The following INAVA variants were observed in gnomAD, a reference collection of about 807,000 sequenced individuals.
INAVA encodes the protein innate immunity activator.
A neutral mutation model predicts 55.3 loss-of-function variants in INAVA; 32 were observed. That is an observed-to-expected ratio of 0.58 (90% CI 0.44 to 0.78). The LOEUF is 0.78. Among genes scored for constraint, INAVA ranks in the 30% least tolerant of loss-of-function variants. The pLI is 0.00. For missense variants in INAVA, 756 were observed against 786.4 expected (o/e 0.96, Z 0.46); for synonymous variants, 294 against 329.4 (o/e 0.89, Z 1.16).
intron 7 of INAVA, 103 bp downstream of exon 7, chr1:200,909,043 G>A: frequency 7.4e-7 from 1 of 1,350,088 alleles, no homozygotes; most frequent in Non-Finnish European, 1.0e-6. Flanking sequence ...GTGGAAAGGT[G>A]GAGGAGAGAG....
intron 4 of INAVA, 104 bp downstream of exon 4, chr1:200,900,324 C>T: frequency 9.9e-7 from 1 of 1,008,624 alleles, no homozygotes; most frequent in Non-Finnish European, 1.5e-6. Flanking sequence ...TCCACCCTTT[C>T]ACACCCAGTG....
upstream of INAVA, among the ~76,000 whole-genome samples, chr1:200,891,974 C>G (rs969767081): frequency 6.6e-6 from 1 of 151,090 alleles, no homozygotes. Context: ...CTCGGGCCAG[C>G]CTGGATGTGG....
At chr1:200,893,431 G>A (rs938540641), upstream of INAVA, among the ~76,000 whole-genome samples, 1 of 152,212 alleles carries the variant, frequency 6.6e-6, no homozygotes, top group African/African-American at 2.4e-5. Flanking sequence ...AGCTGGAGAT[G>A]GGCAAGGTGG....
In INAVA at chr1:200,913,694, G is replaced by A; in HGVS notation, c.*65G>A. 1 of 1,346,290 alleles carries A rather than the reference G, an allele frequency of 7.4e-7. No homozygotes were observed. The highest frequency in any genetic ancestry group is 2.3e-5 in the East Asian group (1 of 43,140). The allele number at this position is 1,346,290 out of a possible 1,614,324, so 83.4% of individuals were successfully genotyped here. On this transcript the variant is annotated 3_prime_UTR_variant, in exon 10 of 10. Coordinates refer to ENST00000413687, the MANE Select transcript of INAVA (RefSeq NM_001142569.3). ...GCTGGGCTGAGACCCCCCCACCCCT[G>A]AGTGCCTCTTTCAGCTCCCCCATCC... is the stretch of plus-strand genomic sequence containing the variant.
intron 6 of INAVA, 116 bp downstream of exon 6, chr1:200,908,003 CT>C: frequency 1.3e-6 from 1 of 760,910 alleles, no homozygotes; most frequent in Non-Finnish European, 2.2e-6. Context: ...GGGTGCCAGG[CT>C]TAGGGTTTCC....
At chr1:200,912,288 A>C in intron 9 of INAVA, 151 bp downstream of exon 9, 1 of 823,948 alleles carries the variant, frequency 1.2e-6, no homozygotes, top group Non-Finnish European at 1.8e-6. Flanking sequence ...AGGCCAAAAA[A>C]TCATTTCCTC....
At chr1:200,910,814 G>A (rs931073826) in intron 8 of INAVA, among the ~76,000 whole-genome samples, 1 of 152,184 alleles carries the variant, frequency 6.6e-6, no homozygotes, top group Non-Finnish European at 1.5e-5. Context: ...TTAGGAAAAG[G>A]CAGACACAGC....
chr1:200,909,687 T>A (rs1557968990), intron 8 of INAVA, among the ~76,000 whole-genome samples: 1 of 152,222 alleles, frequency 6.6e-6, no homozygotes, highest in Non-Finnish European at 1.5e-5. Context: ...GCTGGTAGAT[T>A]ATTATTGGTC....
intron 5 of INAVA, among the ~76,000 whole-genome samples, chr1:200,904,082 C>A (rs1451965235): frequency 6.6e-6 from 1 of 151,584 alleles, no homozygotes; most frequent in Non-Finnish European, 1.5e-5. Flanking sequence ...TAGCCACATC[C>A]TCATAACATT....
In INAVA at chr1:200,907,888, G is replaced by A; in HGVS notation, c.574+1G>A. On this transcript the variant is annotated splice_donor_variant, in intron 6 of 9. Transcript: ENST00000413687. LOFTEE classifies it high-confidence loss of function. ...TCAGATGGGCTCCTCCTGGAGGAAG[G>A]TGAGAAGGACGTTTGGGGGACTATT... is the stretch of plus-strand genomic sequence containing the variant. 6.2e-7 allele frequency: 1 copy of A among 1,611,880 alleles called. No individual in the cohort carries two copies. The highest frequency in any genetic ancestry group is 8.5e-7 in the Non-Finnish European group (1 of 1,178,390).
In INAVA at chr1:200,911,922, C is replaced by T. The variant is rs768791470; in HGVS notation, c.1429C>T (p.Arg477Cys). Residue 477 changes from arginine to cysteine, a missense_variant, in exon 9 of 10, where the codon CGC (arginine) becomes TGC (cysteine). Arg to Cys is a radical substitution (Grantham distance 180, BLOSUM62 -3). This residue lies in a region of INAVA where 117 missense variants were observed against 162.1 expected (regional missense o/e 0.72). Coordinates refer to ENST00000413687, the MANE Select transcript of INAVA (RefSeq NM_001142569.3). The stretch of plus-strand genomic sequence containing the variant: ...GCGCTACCAGCGTCTGGTGCCCTCC[C>T]GCAGCCGCATCGTGCGGACGCCCTC... ...PLRYQRLVPS[R>C]SRIVRTPSLK... 1.6e-5 allele frequency: 25 copies of T among 1,574,440 alleles called. No individual in the cohort carries two copies. The highest frequency in any genetic ancestry group is 4.0e-5 in the African/African-American group (3 of 74,186).
chr1:200,898,245 T>G, intron 1 of INAVA, 62 bp from the exon 2 acceptor site: 1 of 1,561,386 alleles, frequency 6.4e-7, no homozygotes, highest in Non-Finnish European at 8.7e-7. Flanking sequence ...TCTATTCAGC[T>G]TTTTGTAACC....
At position 200,900,212 on chromosome 1, in the gene INAVA, C is replaced by T. The variant is rs934158572; in HGVS notation, c.289C>T (p.His97Tyr). 6.2e-7 allele frequency: 1 copy of T among 1,613,718 alleles called. No individual in the cohort carries two copies. The highest frequency in any genetic ancestry group is 1.3e-5 in the African/African-American group (1 of 74,936). The part of the protein sequence containing the change: ...AAYKLDDWAL[H>Y]REDPLSSLER... ...TTACAAACTGGATGACTGGGCCTTG[C>T]ACAGAGAGGTGAGGAACCTCAGGAA... Residue 97 changes from histidine to tyrosine, a missense_variant, in exon 4 of 10, where the codon CAC becomes TAC. This residue lies in a region of INAVA where 639 missense variants were observed against 624.3 expected (regional missense o/e 1.02). Coordinates refer to ENST00000413687, the MANE Select transcript of INAVA (RefSeq NM_001142569.3).
upstream of INAVA, chr1:200,894,710 T>G: frequency 1.2e-6 from 1 of 803,364 alleles, no homozygotes; most frequent in Non-Finnish European, 1.5e-6. Flanking sequence ...ATGACTCTTG[T>G]TGTTGTCTTC....
intron 5 of INAVA, chr1:200,906,523 A>AG: frequency 9.0e-6 from 1 of 111,678 alleles, no homozygotes; most frequent in Non-Finnish European, 1.9e-5. Context: ...CATCTCAAAA[A>AG]AAAAAAAAAA....
chr1:200,899,859 T>C (rs1444619364), intron 3 of INAVA, among the ~76,000 whole-genome samples: 3 of 152,086 alleles, frequency 2.0e-5, no homozygotes, highest in Non-Finnish European at 4.4e-5. Flanking sequence ...CATAAGTGCA[T>C]ATGAGTGCTG....
chr1:200,911,819 G>A lies in INAVA; in HGVS notation c.1326G>A (p.Glu442=), dbSNP rs527499931. The part of the protein sequence containing the change: ...FPAGRYVVVA[E]SPLPPGEWEL... ...CGGGGCGGTACGTGGTGGTGGCTGA[G>A]AGCCCCCTGCCGCCTGGCGAGTGGG... Residue 442 remains glutamate, a synonymous_variant, in exon 9 of 10, where the codon GAG becomes GAA. Transcript: ENST00000413687. The A allele has an allele frequency of 6.2e-7, 1 of 1,605,206 alleles. No homozygotes were observed.
In INAVA at chr1:200,901,036, C is replaced by A. The variant is rs757620702; in HGVS notation, c.397C>A (p.Arg133=). The change falls in exon 5 of 10, where the codon CGG becomes AGG. Residue 133 remains arginine (R), a synonymous_variant. Coordinates refer to ENST00000413687, the MANE Select transcript of INAVA (RefSeq NM_001142569.3). The part of the protein sequence containing the change: ...CLEENLSRQA[R]RQRKHSMLQE... ...GGAGGAGAACCTCAGCAGGCAGGCT[C>A]GGCGGCAGCGGAAGCACTCCATGCT... is the stretch of plus-strand genomic sequence containing the variant. 1 of 1,548,056 alleles carries A rather than the reference C, an allele frequency of 6.5e-7. No individual in the cohort carries two copies. Among genetic ancestry groups the A allele is most frequent in the Admixed American group, 2.0e-5 (1 of 50,990 alleles).
At chr1:200,904,076 C>A (rs1653386230) in intron 5 of INAVA, among the ~76,000 whole-genome samples, 1 of 151,786 alleles carries the variant, frequency 6.6e-6, no homozygotes, top group Non-Finnish European at 1.5e-5. Context: ...AGCCATTAGC[C>A]ACATCCTCAT....
Sources: allele counts gnomAD v4.1 joint callset (sites outside exome capture counted in the v4.1 genomes callset), GRCh38; gene constraint gnomAD v4.1.1; regional missense constraint gnomAD v4.1.1; transcripts MANE v1.5; gene names NCBI Gene and HGNC (gene_info 2026-07-23, HGNC 2026-07-21).